PCSK5: variants seen among roughly 807,000 people sequenced by gnomAD.
PCSK5 encodes the protein proprotein convertase subtilisin/kexin type 5, also known as prohormone convertase 5.
A neutral mutation model predicts 233.2 loss-of-function variants in PCSK5; 129 were observed. The ratio of observed to expected loss-of-function variants is 0.55; its 90% CI spans 0.48 to 0.64. PCSK5 has a LOEUF of 0.64. Among genes scored for constraint, PCSK5 ranks in the 30% least tolerant of loss-of-function variants. The pLI is 0.00. For missense variants in PCSK5, 2,076 were observed against 2,430.1 expected, an observed-to-expected ratio of 0.85 and a Z score of 3.06; for synonymous variants, 825 against 879.2, an observed-to-expected ratio of 0.94 and a Z score of 1.09.
At chr9:76,179,351 G>T (rs1413276517) in intron 14 of PCSK5, among the ~76,000 whole-genome samples, 1 of 152,032 alleles carries the variant, frequency 6.6e-6, no homozygotes, top group Non-Finnish European at 1.5e-5. Context: ...ATGCTTTGAA[G>T]ACCAGGCCAT....
At chr9:75,903,877 G>C (rs1826159020) in intron 1 of PCSK5, among the ~76,000 whole-genome samples, 1 of 151,862 alleles carries the variant, frequency 6.6e-6, no homozygotes, top group South Asian at 2.1e-4. Context: ...TGTAAATTTA[G>C]AAAGATACTG....
intron 24 of PCSK5, among the ~76,000 whole-genome samples, chr9:76,284,137 T>C (rs1827976046): frequency 6.6e-6 from 1 of 152,122 alleles, no homozygotes; most frequent in Non-Finnish European, 1.5e-5. Flanking sequence ...AAAAAAGAAC[T>C]TATGTTCATG....
intron 5 of PCSK5, among the ~76,000 whole-genome samples, chr9:76,042,492 TA>T (rs1301248323): frequency 1.3e-5 from 2 of 152,110 alleles, no homozygotes; most frequent in East Asian, 3.9e-4. Context: ...CCATTTCTAC[TA>T]AAAATACAAA....
At chr9:75,987,901 T>A (rs1826593653) in intron 3 of PCSK5, among the ~76,000 whole-genome samples, 1 of 152,030 alleles carries the variant, frequency 6.6e-6, no homozygotes, top group African/African-American at 2.4e-5. Context: ...CTTGTTCTCA[T>A]AGGAAAGAGC....
chr9:76,159,816 C>CTTTTT (rs386415165), intron 12 of PCSK5, among the ~76,000 whole-genome samples: 30 of 97,582 alleles, frequency 3.1e-4, no homozygotes, highest in Non-Finnish European at 3.9e-4. Context: ...CTCTTCAGTC[C>CTTTTT]TTTTTTTTTT....
At chr9:75,902,086 A>G (rs1164686849) in intron 1 of PCSK5, among the ~76,000 whole-genome samples, 1 of 151,610 alleles carries the variant, frequency 6.6e-6, no homozygotes, top group Non-Finnish European at 1.5e-5. Flanking sequence ...TGTGGTGTCG[A>G]GCGTCTGTAA....
chr9:76,222,144 T>C lies in PCSK5; in HGVS notation c.2627-5359T>C, dbSNP rs373842199. ...TCCCTTATCCCAAGTTTTATTCATA[T>C]ATCAATTTATTTCCATTATCACAGG... On this transcript the variant is annotated intron_variant, in intron 20 of 37. Coordinates refer to ENST00000674117, the MANE Select transcript of PCSK5 (RefSeq NM_001372043.1). Among the ~76,000 whole-genome samples, 33 of 152,086 alleles carry C rather than the reference T, an allele frequency of 2.2e-4. No homozygotes were observed. In the South Asian group the frequency reaches 2.3e-3, roughly 11 times the overall value.
chr9:76,109,393 G>A (rs1832110733), intron 9 of PCSK5, among the ~76,000 whole-genome samples: 1 of 151,398 alleles, frequency 6.6e-6, no homozygotes, highest in African/African-American at 2.4e-5. Flanking sequence ...GTAGAATTAG[G>A]TGATACTCAG....
chr9:76,048,697 G>T (rs1473843351), intron 5 of PCSK5, among the ~76,000 whole-genome samples: 1 of 152,134 alleles, frequency 6.6e-6, no homozygotes, highest in Non-Finnish European at 1.5e-5. Flanking sequence ...CTATTAGAGA[G>T]ATCAAATGAA....
chr9:76,014,525 T>A (rs1261487573), intron 3 of PCSK5, among the ~76,000 whole-genome samples: 1 of 152,208 alleles, frequency 6.6e-6, no homozygotes, highest in Non-Finnish European at 1.5e-5. Flanking sequence ...CAAGTTCAGC[T>A]ATATACCAAA....
At chr9:75,896,212 A>C (rs933158227) in intron 1 of PCSK5, among the ~76,000 whole-genome samples, 6 of 152,214 alleles carry the variant, frequency 3.9e-5, no homozygotes, top group Non-Finnish European at 8.8e-5. Flanking sequence ...AAAACAATTC[A>C]GAGTGCATGG....
intron 5 of PCSK5, among the ~76,000 whole-genome samples, chr9:76,043,335 CAAAAAAA>C (rs71372040): frequency 7.8e-5 from 5 of 64,018 alleles, no homozygotes; most frequent in East Asian, 5.2e-4. Flanking sequence ...GACTCCATCT[CAAAAAAA>C]AAAAAAAAAA....
intron 17 of PCSK5, among the ~76,000 whole-genome samples, chr9:76,187,256 G>C (rs2131233276): frequency 6.6e-6 from 1 of 152,246 alleles, no homozygotes; most frequent in African/African-American, 2.4e-5. Flanking sequence ...ATTTAACCCT[G>C]TTTAGATACT....
In PCSK5 at chr9:76,227,448, C is replaced by G. The variant is rs79591175; in HGVS notation, c.2627-55C>G. The G allele has an allele frequency of 5.5e-3, 6,897 of 1,259,216 alleles. 258 individuals carry two copies. In the African/African-American group the frequency reaches 0.085, roughly 15 times the overall value. The allele number at this position is 1,259,216 out of a possible 1,614,324, so 78.0% of individuals were successfully genotyped here. On this transcript the variant is annotated intron_variant, in intron 20 of 37. Coordinates refer to ENST00000674117, the MANE Select transcript of PCSK5 (RefSeq NM_001372043.1). The stretch of plus-strand genomic sequence containing the variant: ...GATCTGGCTGCTCTCAGACTGACAG[C>G]CCAGGCAGGCTTGCCATGTAGAAAT...
At chr9:75,975,771 A>G (rs946088438) in intron 2 of PCSK5, among the ~76,000 whole-genome samples, 1 of 152,236 alleles carries the variant, frequency 6.6e-6, no homozygotes, top group Non-Finnish European at 1.5e-5. Flanking sequence ...GATGTAACAT[A>G]TATTTACTTT....
rs777807414 is a variant in PCSK5 at position 76,308,665 on chromosome 9, C to T, written c.3625C>T (p.Pro1209Ser). ...TACAGATATTTTGAGAAAACTCCAG[C>T]CTTGTCATTCTTCTTGTAAAACCTG... The part of the protein sequence containing the change: ...IKRDILRKLQ[P>S]CHSSCKTCNG... The change falls in exon 29 of 38, where the codon CCT becomes TCT. Residue 1209 changes from proline to serine, a missense_variant. Transcript: ENST00000674117. The T allele has an allele frequency of 1.1e-5, 18 of 1,606,376 alleles. No individual in the cohort carries two copies. The highest frequency in any genetic ancestry group is 1.5e-5 in the Non-Finnish European group (18 of 1,174,226).
At chr9:76,249,401 G>A (rs1826727300) in intron 24 of PCSK5, among the ~76,000 whole-genome samples, 1 of 151,996 alleles carries the variant, frequency 6.6e-6, no homozygotes, top group Non-Finnish European at 1.5e-5. Flanking sequence ...TCAATATTAG[G>A]GGAAAAGTGA....
At chr9:76,230,479 A>C (rs1826043442) in intron 21 of PCSK5, among the ~76,000 whole-genome samples, 1 of 152,196 alleles carries the variant, frequency 6.6e-6, no homozygotes, top group South Asian at 2.1e-4. Context: ...ACTTCTCCCA[A>C]GACAAATGAT....
chr9:76,277,926 CT>C lies in PCSK5; in HGVS notation c.3143-14306del, dbSNP rs531799290. On this transcript the variant is annotated intron_variant, in intron 24 of 37. Transcript: ENST00000674117. ...GGACTGAAAAATGTCAGTGACTCTC[CT>C]GCAAATTTGTACAGCGTTGCTCAGT... Among the ~76,000 whole-genome samples, 320 of 152,280 alleles carry C rather than the reference CT, an allele frequency of 2.1e-3. 2 individuals are homozygous for C. The highest frequency in any genetic ancestry group is 7.1e-3 in the African/African-American group (294 of 41,560).
Sources: allele counts gnomAD v4.1 joint callset (sites outside exome capture counted in the v4.1 genomes callset), GRCh38; gene constraint gnomAD v4.1.1; transcripts MANE v1.5; gene names NCBI Gene and HGNC (gene_info 2026-07-23, HGNC 2026-07-21).